Variants in MYRIP observed in about 807,000 individuals in gnomAD.
MYRIP encodes myosin VIIA and Rab interacting protein, also known as rab effector MyRIP.
In MYRIP, 49 loss-of-function variants were observed where a neutral mutation model predicts 98.0. The observed-to-expected ratio is 0.50, with a 90% CI of 0.40 to 0.63. The LOEUF is 0.63. Ranked by LOEUF, MYRIP falls within the 30% of genes least tolerant of loss-of-function variation. The pLI is 0.00. For synonymous variants in MYRIP, 404 were observed against 409.5 expected (o/e 0.99, Z 0.16); for missense variants, 1,004 against 1,058.2 (o/e 0.95, Z 0.71).
At chr3:39,983,822 C>T (rs1324093088) in intron 2 of MYRIP, among the ~76,000 whole-genome samples, 2 of 152,124 alleles carry the variant, frequency 1.3e-5, no homozygotes, top group Non-Finnish European at 2.9e-5. Context: ...TTACTTGATT[C>T]CTCAATATAA....
intron 3 of MYRIP, among the ~76,000 whole-genome samples, chr3:40,052,988 C>T (rs1386625924): frequency 6.6e-6 from 1 of 152,088 alleles, no homozygotes; most frequent in Non-Finnish European, 1.5e-5. Context: ...TAGGAGTAAT[C>T]ATTCTTTAGG....
At chr3:39,866,477 A>T (rs933910416) in intron 1 of MYRIP, among the ~76,000 whole-genome samples, 27 of 151,776 alleles carry the variant, frequency 1.8e-4, no homozygotes, top group Admixed American at 8.5e-4. Context: ...AATAATAAAA[A>T]ATTTTTTTTT....
chr3:40,052,577 G>A (rs1947813955), intron 3 of MYRIP, among the ~76,000 whole-genome samples: 1 of 152,040 alleles, frequency 6.6e-6, no homozygotes, highest in South Asian at 2.1e-4. Flanking sequence ...CCATTGCTGG[G>A]GAAGTATAAA....
intron 3 of MYRIP, among the ~76,000 whole-genome samples, chr3:40,101,603 T>G (rs1376386718): frequency 2.0e-5 from 3 of 152,164 alleles, no homozygotes; most frequent in Non-Finnish European, 4.4e-5. Context: ...TTTCCTCTCT[T>G]TGTCCTGTTT....
intron 1 of MYRIP, among the ~76,000 whole-genome samples, chr3:39,819,075 G>A (rs913318873): frequency 9.2e-5 from 14 of 152,088 alleles, no homozygotes; most frequent in African/African-American, 1.9e-4. Context: ...CCAGTGGGGC[G>A]CGGTGGCTGA....
chr3:39,973,190 TA>T (rs1945644062), intron 2 of MYRIP, among the ~76,000 whole-genome samples: 1 of 151,640 alleles, frequency 6.6e-6, no homozygotes, highest in Non-Finnish European at 1.5e-5. Context: ...AGTTTCAAAA[TA>T]AAGGGATGGA....
chr3:40,112,695 C>T (rs909563678), intron 3 of MYRIP, among the ~76,000 whole-genome samples: 1 of 152,180 alleles, frequency 6.6e-6, no homozygotes, highest in African/African-American at 2.4e-5. Flanking sequence ...CAGGTCCAAA[C>T]TTTTGTGCCT....
At chr3:40,116,271 C>G (rs1394938765) in intron 3 of MYRIP, among the ~76,000 whole-genome samples, 2 of 152,120 alleles carry the variant, frequency 1.3e-5, no homozygotes, top group Non-Finnish European at 2.9e-5. Context: ...CACACCTCCT[C>G]CATGAGTTGT....
chr3:40,226,345 CA>C (rs1952489906), intron 11 of MYRIP, among the ~76,000 whole-genome samples: 1 of 152,156 alleles, frequency 6.6e-6, no homozygotes, highest in African/African-American at 2.4e-5. Context: ...AGCACCTTGC[CA>C]GCTCCCTCTT....
chr3:40,211,631 G>C (rs906666847), intron 11 of MYRIP, among the ~76,000 whole-genome samples: 1 of 152,150 alleles, frequency 6.6e-6, no homozygotes, highest in South Asian at 2.1e-4. Context: ...AGTCAGATTT[G>C]TACGCTGGAG....
chr3:40,204,198 T>G (rs1951725946), intron 10 of MYRIP, among the ~76,000 whole-genome samples: 1 of 34,570 alleles, frequency 2.9e-5, no homozygotes, highest in Non-Finnish European at 5.6e-5. Flanking sequence ...ATAAATATTA[T>G]ATTATATATT....
At chr3:40,168,063 T>C (rs1171747416) in intron 7 of MYRIP, among the ~76,000 whole-genome samples, 2 of 152,244 alleles carry the variant, frequency 1.3e-5, no homozygotes, top group African/African-American at 4.8e-5. Flanking sequence ...CTAGTCTTTC[T>C]GCTCCCAGCC....
chr3:40,182,072 T>A, intron 8 of MYRIP, 148 bp from the exon 9 acceptor site: 1 of 825,414 alleles, frequency 1.2e-6, no homozygotes, highest in Non-Finnish European at 1.8e-6. Flanking sequence ...TATACTGATT[T>A]GCAGCTTTTA....
At chr3:39,876,929 CAG>C (rs1186673595) in intron 1 of MYRIP, among the ~76,000 whole-genome samples, 1 of 152,208 alleles carries the variant, frequency 6.6e-6, no homozygotes, top group Admixed American at 6.5e-5. Flanking sequence ...TAATATCCTG[CAG>C]AGTGTTTTCC....
intron 11 of MYRIP, among the ~76,000 whole-genome samples, chr3:40,228,836 G>A (rs1952564135): frequency 6.6e-6 from 1 of 152,164 alleles, no homozygotes; most frequent in Non-Finnish European, 1.5e-5. Context: ...CAGACACACA[G>A]ACACACATGC....
chr3:39,999,926 AC>A (rs1302681308), intron 2 of MYRIP, among the ~76,000 whole-genome samples: 1 of 151,302 alleles, frequency 6.6e-6, no homozygotes, highest in Non-Finnish European at 1.5e-5. Context: ...TATCGCAAGG[AC>A]AAAAAACCAA....
At chr3:40,086,344 C>T (rs549957693) in intron 3 of MYRIP, among the ~76,000 whole-genome samples, 18 of 152,340 alleles carry the variant, frequency 1.2e-4, no homozygotes, top group African/African-American at 3.8e-4. Flanking sequence ...ACCTCAGTTA[C>T]TCTTGGCAGC....
chr3:39,970,213 G>C (rs146296623), intron 2 of MYRIP: 1 of 152,044 alleles, frequency 6.6e-6, no homozygotes, highest in Admixed American at 6.6e-5. Flanking sequence ...GTACCCTGCT[G>C]TGATGACTTT....
chr3:39,918,831 G>C (rs572121147), intron 2 of MYRIP, among the ~76,000 whole-genome samples: 1 of 152,264 alleles, frequency 6.6e-6, no homozygotes, highest in East Asian at 1.9e-4. Flanking sequence ...GAGGAGGGTG[G>C]TAGCAAAGGT....
Sources: allele counts gnomAD v4.1 joint callset (sites outside exome capture counted in the v4.1 genomes callset), GRCh38; gene constraint gnomAD v4.1.1; transcripts MANE v1.5; gene names NCBI Gene and HGNC (gene_info 2026-07-23, HGNC 2026-07-21).